The following RANGAP1 variants were observed in gnomAD, a reference collection of about 807,000 sequenced individuals.
RANGAP1 encodes Ran GTPase activating protein 1.
A neutral mutation model predicts 63.5 loss-of-function variants in RANGAP1; 38 were observed. The observed-to-expected ratio is 0.60, with a 90% confidence interval of 0.46 to 0.78. The LOEUF is 0.78. Ranked by LOEUF, RANGAP1 falls within the 30% of genes least tolerant of loss-of-function variation. The probability of loss-of-function intolerance (pLI) is 0.00; values close to 1 mark genes in which losing one functional copy is unlikely to be tolerated. For synonymous variants in RANGAP1, 329 were observed against 310.5 expected (o/e 1.06, Z -0.63); for missense variants, 630 against 740.3 (o/e 0.85, Z 1.73).
chr22:41,276,959 T>C (rs1190220638), intron 2 of RANGAP1, among the ~76,000 whole-genome samples: 1 of 137,812 alleles, frequency 7.3e-6, no homozygotes, highest in South Asian at 2.5e-4. Context: ...CACTCCAGCC[T>C]GGGCTACAGA....
At chr22:41,263,266 G>A (rs772833478) in intron 5 of RANGAP1, among the ~76,000 whole-genome samples, 5 of 152,224 alleles carry the variant, frequency 3.3e-5, no homozygotes, top group Non-Finnish European at 5.9e-5. Context: ...AAGGAAAACC[G>A]AAGCATTTTG....
In RANGAP1 at chr22:41,274,712, T is replaced by G; in HGVS notation, c.128A>C (p.Lys43Thr). ...CAAGCTGTCAAAGTCTTCAATCTCT[T>G]TAATCACATCTTTAGCTGCCAGGGA... ...NTAEDAKDVIKEIEDFDSLEA... is the reference protein window; with the variant it reads ...NTAEDAKDVITEIEDFDSLEA... The change falls in exon 3 of 16, where the codon AAA becomes ACA. Residue 43 changes from lysine (K) to threonine (T), a missense_variant. Around this residue, in one of 3 missense-constraint regions of RANGAP1, gnomAD observed 65 missense variants for 60.5 expected, o/e 1.07. Coordinates refer to ENST00000356244, the MANE Select transcript of RANGAP1 (RefSeq NM_002883.4). 3 of 1,614,104 alleles carry G rather than the reference T, an allele frequency of 1.9e-6. No individual in the cohort carries two copies. Among genetic ancestry groups the G allele is most frequent in the Non-Finnish European group, 2.5e-6 (3 of 1,179,986 alleles).
chr22:41,298,181 T>G, the RANGAP1 span, among the ~76,000 whole-genome samples: 41 of 151,934 alleles, frequency 2.7e-4, no homozygotes, highest in Non-Finnish European at 3.4e-4. Context: ...TTTTGTATTT[T>G]TAGTAGAGAC....
intron 11 of RANGAP1, 78 bp downstream of exon 11, chr22:41,254,229 CT>C (rs886888918): frequency 6.5e-7 from 1 of 1,536,266 alleles, no homozygotes; most frequent in African/African-American, 1.4e-5. Flanking sequence ...GAGACACCCC[CT>C]ACCCCATTGT....
the RANGAP1 span, among the ~76,000 whole-genome samples, chr22:41,298,117 C>CA: frequency 3.9e-5 from 6 of 151,982 alleles, no homozygotes; most frequent in Non-Finnish European, 7.4e-5. Context: ...CTCTGCCTCC[C>CA]AAAGTGCTGG....
chr22:41,280,753 C>T, intron 2 of RANGAP1, 180 bp downstream of exon 2: 1 of 1,524,192 alleles, frequency 6.6e-7, no homozygotes, highest in Non-Finnish European at 8.8e-7. Context: ...TGCAGGGGAG[C>T]TTGCTCCTGG....
Position 41,252,764 on chromosome 22 carries a change from C to T in RANGAP1, c.1380+108G>A, listed in dbSNP as rs550413406. Reference sequence around the variant, plus strand: ...AGTGGCAGGCCAAGCCTCCCTGCCCCCAGCTGACAGCGTCGCACCCCCAGG... The same window carrying T: ...AGTGGCAGGCCAAGCCTCCCTGCCCTCAGCTGACAGCGTCGCACCCCCAGG... On this transcript the variant is annotated intron_variant, in intron 12 of 15. Transcript: ENST00000356244. 4.6e-4 allele frequency: 597 copies of T among 1,294,606 alleles called. 2 individuals carry two copies. Among genetic ancestry groups the T allele is most frequent in the Non-Finnish European group, 5.7e-4 (563 of 992,440 alleles). The allele number at this position is 1,294,606 out of a possible 1,614,324, so 80.2% of individuals were successfully genotyped here. A position where few individuals can be genotyped will look rare whatever the true frequency, so the allele number is the denominator to read the frequency against.
chr22:41,255,022 T>C (rs139505), intron 10 of RANGAP1, among the ~76,000 whole-genome samples: 37,804 of 150,726 alleles, frequency 0.25, 5,094 homozygotes, highest in Non-Finnish European at 0.28. Flanking sequence ...CTTGTCCCTG[T>C]CCTCAAGGAG....
Position 41,274,913 on chromosome 22 carries a change from G to A in RANGAP1, c.113-186C>T, listed in dbSNP as rs5996008. 2.0e-3 allele frequency among the ~76,000 whole-genome samples: 309 copies of A among 152,192 alleles called. 2 individuals are homozygous for A. Among genetic ancestry groups the A allele is most frequent in the Middle Eastern group, 0.017 (5 of 294 alleles). Reference sequence around the variant, plus strand: ...ACAGAGCTATGCAGATGATTTCTCTGTAATGAGTGTTAAAACCAGGCATGT... The same window carrying A: ...ACAGAGCTATGCAGATGATTTCTCTATAATGAGTGTTAAAACCAGGCATGT... On this transcript the variant is annotated intron_variant, in intron 2 of 15. Coordinates refer to ENST00000356244, the MANE Select transcript of RANGAP1 (RefSeq NM_002883.4).
upstream of RANGAP1, among the ~76,000 whole-genome samples, chr22:41,287,712 C>T (rs1325082557): frequency 6.6e-6 from 1 of 151,344 alleles, no homozygotes; most frequent in Non-Finnish European, 1.5e-5. Flanking sequence ...GCAGGCTGGG[C>T]GCAGTGGCTC....
intron 2 of RANGAP1, among the ~76,000 whole-genome samples, chr22:41,276,251 G>T (rs780540241): frequency 1.2e-4 from 19 of 152,170 alleles, no homozygotes; most frequent in Non-Finnish European, 2.1e-4. Context: ...AGGATAATGG[G>T]TGATTGTGTG....
chr22:41,246,633 G>A lies in RANGAP1; in HGVS notation c.1734C>T (p.His578=), dbSNP rs376870878. 2.9e-5 allele frequency: 45 copies of A among 1,564,102 alleles called. No individual in the cohort carries two copies. The highest frequency in any genetic ancestry group is 3.3e-4 in the Middle Eastern group (2 of 6,002). Residue 578 remains histidine, a synonymous_variant, in exon 16 of 16, where the codon CAC becomes CAT. Coordinates refer to ENST00000356244, the MANE Select transcript of RANGAP1 (RefSeq NM_002883.4). ...CCTTGTACAGCGTCTGCAGCAGACT[G>A]TGGCGGGCGAAGGAGCAGGATTCCA... is the stretch of plus-strand genomic sequence containing the variant. ...SALESCSFAR[H]SLLQTLYKV
At chr22:41,300,736 G>T in the RANGAP1 span, among the ~76,000 whole-genome samples, 1 of 151,910 alleles carries the variant, frequency 6.6e-6, no homozygotes, top group Non-Finnish European at 1.5e-5. Flanking sequence ...CTCCCAAAGT[G>T]CTGAGATTAC....
intron 15 of RANGAP1, among the ~76,000 whole-genome samples, chr22:41,247,446 G>A (rs912874631): frequency 6.6e-6 from 1 of 151,910 alleles, no homozygotes; most frequent in African/African-American, 2.4e-5. Flanking sequence ...CGACTTCCCA[G>A]GCTCAGGTGG....
At chr22:41,264,288 GC>G (rs139518) in intron 5 of RANGAP1, among the ~76,000 whole-genome samples, 122,045 of 152,082 alleles carry the variant, frequency 0.8, 49,054 homozygotes, top group African/African-American at 0.84. Flanking sequence ...CTGTGACGGT[GC>G]CCCCCCTGAG....
chr22:41,259,031 C>G (rs2034009757), intron 6 of RANGAP1, among the ~76,000 whole-genome samples: 2 of 152,138 alleles, frequency 1.3e-5, no homozygotes, highest in African/African-American at 4.8e-5. Flanking sequence ...CCCAGGAAGG[C>G]TTCCTGGATT....
rs2033823701 is a variant in RANGAP1 at position 41,256,224 on chromosome 22, C to T, written c.955G>A (p.Asp319Asn). The T allele has an allele frequency of 1.2e-6, 2 of 1,614,082 alleles. No individual in the cohort carries two copies. The highest frequency in any genetic ancestry group is 1.3e-5 in the African/African-American group (1 of 74,938). ...TCCAGCTTCTCCAGCTCAGCTTTGT[C>T]TGCCATGGCCTCAGCAACAGCCAGG... ...AALAVAEAMA[D>N]KAELEKLDLN... Residue 319 changes from aspartate (D) to asparagine (N), a missense_variant, in exon 9 of 16, where the codon GAC becomes AAC. Around this residue, in one of 3 missense-constraint regions of RANGAP1, gnomAD observed 428 missense variants for 465.5 expected, o/e 0.92. Coordinates refer to ENST00000356244, the MANE Select transcript of RANGAP1 (RefSeq NM_002883.4).
At chr22:41,279,003 C>T (rs1045032910) in intron 2 of RANGAP1, among the ~76,000 whole-genome samples, 1 of 152,116 alleles carries the variant, frequency 6.6e-6, no homozygotes. Context: ...ATTAGCCGGG[C>T]GTGGTGGCGG....
chr22:41,280,622 AAGTCAG>A (rs2035442316), intron 2 of RANGAP1: 2 of 1,259,646 alleles, frequency 1.6e-6, no homozygotes, highest in Admixed American at 2.2e-5. Flanking sequence ...ACCGGATATT[AAGTCAG>A]AGTCAGAGGC....
Sources: gnomAD v4.1 joint callset for allele counts (sites outside exome capture counted in the v4.1 genomes callset) on GRCh38, gnomAD v4.1.1 for gene constraint, gnomAD v4.1.1 regional missense constraint, MANE v1.5 for transcripts, NCBI Gene and HGNC (gene_info 2026-07-23, HGNC 2026-07-21) for gene names.